Variants in CD86 observed in about 807,000 individuals in gnomAD.
The protein encoded by CD86 is T-lymphocyte activation antigen CD86.
CD86 carries 11 observed loss-of-function variants against 32.1 expected under a neutral mutation model. The ratio of observed to expected loss-of-function variants is 0.34; its 90% CI spans 0.22 to 0.57. The LOEUF is 0.57. Ranked by LOEUF, CD86 falls within the 20% of genes least tolerant of loss-of-function variation. The probability of loss-of-function intolerance (pLI) is 0.86; values close to 1 mark genes in which losing one functional copy is unlikely to be tolerated. For synonymous variants in CD86, 137 were observed against 135.3 expected (o/e 1.01, Z -0.09); for missense variants, 359 against 398.4 (o/e 0.90, Z 0.84).
At chr3:122,068,149 A>G (rs2072439992) in intron 1 of CD86, among the ~76,000 whole-genome samples, 1 of 152,182 alleles carries the variant, frequency 6.6e-6, no homozygotes, top group African/African-American at 2.4e-5. Flanking sequence ...TTTTTTAACA[A>G]GTTTAGTCAT....
At chr3:122,070,956 T>C (rs2072481182) in intron 1 of CD86, among the ~76,000 whole-genome samples, 1 of 152,216 alleles carries the variant, frequency 6.6e-6, no homozygotes, top group Non-Finnish European at 1.5e-5. Flanking sequence ...TGTTTTTTTT[T>C]AATTAACAGA....
chr3:122,120,574 A>G lies in CD86; in HGVS notation c.*1040A>G, dbSNP rs1055738525. The G allele has an allele frequency of 6.6e-6, 1 of 152,226 alleles. No individual in the cohort carries two copies. The highest frequency in any genetic ancestry group is 6.5e-5 in the Admixed American group (1 of 15,288). 9.4% of individuals were successfully genotyped at this position (152,226 alleles called of 1,614,324 possible). On this transcript the variant is annotated 3_prime_UTR_variant, in exon 7 of 7. Transcript: ENST00000330540. ...GAGGGGTTTTGGTGATACCCAAGTTATTGGGATGTCATCTTCCTGGAAGCA... is the reference window on the plus strand; with the variant it reads ...GAGGGGTTTTGGTGATACCCAAGTTGTTGGGATGTCATCTTCCTGGAAGCA...
At position 122,086,770 on chromosome 3, in the gene CD86, T is replaced by G. The variant is rs371886736; in HGVS notation, c.15-4831T>G. On this transcript the variant is annotated intron_variant, in intron 1 of 6. Coordinates refer to ENST00000330540, the MANE Select transcript of CD86 (RefSeq NM_175862.5). ...CCACCCCAGTCTGTCTCTCTGAGAG[T>G]CCTCTCGATTCCAGGAGCCACCATC... Among the ~76,000 whole-genome samples the G allele has an allele frequency of 3.3e-5, 5 of 152,082 alleles. No homozygotes were observed. The East Asian group carries it at 5.8e-4, about 18-fold the overall frequency.
intron 2 of CD86, among the ~76,000 whole-genome samples, chr3:122,093,442 C>T (rs1576775207): frequency 6.6e-6 from 1 of 152,162 alleles, no homozygotes; most frequent in South Asian, 2.1e-4. Context: ...CATAGGGTGT[C>T]CTTACACAAA....
intron 1 of CD86, among the ~76,000 whole-genome samples, chr3:122,066,467 T>C (rs531655396): frequency 3.3e-5 from 5 of 152,304 alleles, no homozygotes; most frequent in Non-Finnish European, 2.9e-5. Flanking sequence ...CATTATCAGC[T>C]AGAAATGAAA....
chr3:122,082,350 A>G (rs1559903086), intron 1 of CD86, among the ~76,000 whole-genome samples: 1 of 152,232 alleles, frequency 6.6e-6, no homozygotes, highest in Non-Finnish European at 1.5e-5. Flanking sequence ...ATATTTGCAG[A>G]CACCCAGCAT....
At chr3:122,071,719 CTT>C (rs953136019) in intron 1 of CD86, among the ~76,000 whole-genome samples, 5 of 147,358 alleles carry the variant, frequency 3.4e-5, no homozygotes, top group African/African-American at 1.0e-4. Flanking sequence ...ATTTTGCATT[CTT>C]TTCTTTATTT....
intron 3 of CD86, among the ~76,000 whole-genome samples, chr3:122,105,469 A>T (rs749265212): frequency 1.3e-4 from 20 of 152,136 alleles, no homozygotes; most frequent in Non-Finnish European, 2.4e-4. Context: ...AGAACAAGGG[A>T]TTTTTTCTGA....
At chr3:122,065,873 G>C (rs1290873455) in intron 1 of CD86, among the ~76,000 whole-genome samples, 1 of 151,982 alleles carries the variant, frequency 6.6e-6, no homozygotes, top group African/African-American at 2.4e-5. Context: ...GGGGAAACTT[G>C]ACTGGGGGCT....
chr3:122,084,736 G>C (rs999261941), intron 1 of CD86, among the ~76,000 whole-genome samples: 1 of 152,094 alleles, frequency 6.6e-6, no homozygotes, highest in Admixed American at 6.5e-5. Flanking sequence ...AAGCTGTGAG[G>C]CTTCTTATGA....
chr3:122,103,936 G>A, intron 3 of CD86, 89 bp downstream of exon 3: 1 of 1,084,080 alleles, frequency 9.2e-7, no homozygotes, highest in Admixed American at 2.2e-5. Context: ...GGGACTTGAG[G>A]GGCCCAGGGG....
chr3:122,056,301 T>C (rs1268289481), intron 1 of CD86, among the ~76,000 whole-genome samples: 1 of 152,154 alleles, frequency 6.6e-6, no homozygotes, highest in East Asian at 1.9e-4. Flanking sequence ...TCTTGGGTGG[T>C]GGCAGCTGGC....
chr3:122,106,939 C>T (rs1010359158), intron 4 of CD86, among the ~76,000 whole-genome samples: 6 of 151,706 alleles, frequency 4.0e-5, no homozygotes, highest in Non-Finnish European at 8.8e-5. Context: ...CATTATTGGT[C>T]ACAGGAGTGA....
Position 122,119,575 on chromosome 3 carries a change from C to A in CD86, c.*41C>A. The A allele has an allele frequency of 7.8e-7, 1 of 1,282,776 alleles. No homozygotes were observed. Among genetic ancestry groups the A allele is most frequent in the Non-Finnish European group, 1.1e-6 (1 of 888,614 alleles). 79.5% of individuals were successfully genotyped at this position (1,282,776 alleles called of 1,614,324 possible). ...CATACAAGTATTCATTTTTTCTACC[C>A]TTTCCTTTGTAAGTTCCTGGGCAAC... On this transcript the variant is annotated 3_prime_UTR_variant, in exon 7 of 7. Transcript: ENST00000330540.
chr3:122,057,505 G>C (rs576961116), intron 1 of CD86, among the ~76,000 whole-genome samples: 5 of 152,218 alleles, frequency 3.3e-5, no homozygotes, highest in African/African-American at 1.2e-4. Flanking sequence ...CATGATACAT[G>C]TATACAAACA....
chr3:122,101,452 A>G (rs894710684), intron 2 of CD86, among the ~76,000 whole-genome samples: 2 of 147,344 alleles, frequency 1.4e-5, no homozygotes, highest in African/African-American at 5.1e-5. Context: ...CTGTGAGTGG[A>G]CAGAATGGAT....
chr3:122,065,568 A>G (rs2072401040), intron 1 of CD86, among the ~76,000 whole-genome samples: 1 of 152,192 alleles, frequency 6.6e-6, no homozygotes, highest in Non-Finnish European at 1.5e-5. Context: ...CCCAGCTTCC[A>G]ATGGTGTATA....
chr3:122,075,865 G>GT lies in CD86; in HGVS notation c.15-15730dup, dbSNP rs899620578. Among the ~76,000 whole-genome samples the GT allele has an allele frequency of 1.6e-4, 24 of 152,294 alleles. 2 individuals carry two copies. Among genetic ancestry groups the GT allele is most frequent in the Admixed American group, 4.6e-4 (7 of 15,298 alleles). On this transcript the variant is annotated intron_variant, in intron 1 of 6. Coordinates refer to ENST00000330540, the MANE Select transcript of CD86 (RefSeq NM_175862.5). The stretch of plus-strand genomic sequence containing the variant: ...GGAAGGGAAAACAATAAAACAACTT[G>GT]TTTTTTAAGAGCCTACTATTGCCAG...
At chr3:122,109,971 G>A (rs1319692141) in intron 5 of CD86, among the ~76,000 whole-genome samples, 2 of 152,026 alleles carry the variant, frequency 1.3e-5, no homozygotes, top group Non-Finnish European at 2.9e-5. Context: ...CCACTAATAA[G>A]AAAAAATGAT....
Sources: gnomAD v4.1 joint callset for allele counts (sites outside exome capture counted in the v4.1 genomes callset) on GRCh38, gnomAD v4.1.1 for gene constraint, MANE v1.5 for transcripts, NCBI Gene and HGNC (gene_info 2026-07-23, HGNC 2026-07-21) for gene names.